Variants in HTR3C observed in about 807,000 individuals in gnomAD.
HTR3C encodes the protein 5-HT3-C.
In HTR3C, 32 loss-of-function variants were observed where a neutral mutation model predicts 40.5. That is an observed-to-expected ratio of 0.79 (90% CI 0.60 to 1.06). The LOEUF (loss-of-function observed/expected upper bound fraction) is 1.06. HTR3C is among the 50% of genes least tolerant of loss of function. The probability of loss-of-function intolerance (pLI) is 0.00; values close to 1 mark genes in which losing one functional copy is unlikely to be tolerated. For synonymous variants in HTR3C, 209 were observed against 217.1 expected, an observed-to-expected ratio of 0.96 and a Z score of 0.33; for missense variants, 523 against 556.8, an observed-to-expected ratio of 0.94 and a Z score of 0.61.
rs773329751 is a variant in HTR3C, at chr3:184,058,575, G to C, written c.708G>C (p.Gln236His). The change falls in exon 6 of 9, where the codon CAG becomes CAC. Residue 236 changes from glutamine (Q) to histidine (H), a missense_variant. Physicochemically the swap from Gln to His is conservative, Grantham distance 24. Coordinates refer to ENST00000318351, the MANE Select transcript of HTR3C (RefSeq NM_130770.3). The part of the protein sequence containing the change: ...KMSMGNNLYD[Q>H]IMFYVAIRRR... ...CCATGGGCAACAACCTATATGACCAGATCATGTTTTATGTGAGTCCAGGGG... is the reference window on the plus strand; with the variant it reads ...CCATGGGCAACAACCTATATGACCACATCATGTTTTATGTGAGTCCAGGGG... 6.2e-7 allele frequency: 1 copy of C among 1,611,730 alleles called. No homozygotes were observed.
At chr3:184,054,650 T>A in intron 1 of HTR3C, 71 bp from the exon 2 acceptor site, 1 of 1,329,334 alleles carries the variant, frequency 7.5e-7, no homozygotes, top group Non-Finnish European at 1.0e-6. Context: ...GTCCCCTATT[T>A]TATCTCTCTG....
chr3:184,055,610 A>G (rs1723306921), intron 3 of HTR3C, among the ~76,000 whole-genome samples: 1 of 151,872 alleles, frequency 6.6e-6, no homozygotes, highest in Admixed American at 6.6e-5. Flanking sequence ...GCTATTCGGG[A>G]GGCTGAGGCA....
At position 184,059,939 on chromosome 3, in the gene HTR3C, G is replaced by A. The variant is rs1339342921; in HGVS notation, c.1037G>A (p.Trp346Ter). The A allele has an allele frequency of 1.2e-6, 2 of 1,613,658 alleles. No homozygotes were observed. Among genetic ancestry groups the A allele is most frequent in the East Asian group, 2.2e-5 (1 of 44,894 alleles). ...ATTQPPPMPRWLHSLLLHCTS... is the reference protein window; with the variant it reads ...ATTQPPPMPR Reference sequence around the variant, plus strand: ...ACCCAGCCCCCACCCATGCCTAGGTGGCTTCACTCCCTGCTGCTCCACTGC... The same window carrying A: ...ACCCAGCCCCCACCCATGCCTAGGTAGCTTCACTCCCTGCTGCTCCACTGC... Residue 346 changes from tryptophan to a stop codon, truncating the protein, a stop_gained, in exon 8 of 9, where the codon TGG (tryptophan) becomes TAG (stop). Coordinates refer to ENST00000318351, the MANE Select transcript of HTR3C (RefSeq NM_130770.3). LOFTEE classifies it high-confidence loss of function.
chr3:184,055,240 G>C (rs373667456), intron 2 of HTR3C, 72 bp from the exon 3 acceptor site: 1 of 981,804 alleles, frequency 1.0e-6, no homozygotes, highest in African/African-American at 1.6e-5. Flanking sequence ...AGTAAATATT[G>C]GTGGGAATAT....
In HTR3C at chr3:184,056,163, CT is replaced by C; in HGVS notation, c.280-13del. The C allele has an allele frequency of 6.4e-7, 1 of 1,562,172 alleles. No homozygotes were observed. ...CACCGTCACTCACCTCTGTCCCTCACTGCCCTGATGCAGGTATGGGACAATC... is the reference window on the plus strand; with the variant it reads ...CACCGTCACTCACCTCTGTCCCTCACGCCCTGATGCAGGTATGGGACAATC... On this transcript the variant is annotated splice_polypyrimidine_tract_variant and intron_variant, in intron 3 of 8. Transcript: ENST00000318351.
At chr3:184,055,884 C>CAAAAAAAAAAAAAAAAAAAAAAAAA (rs71185686) in intron 3 of HTR3C, among the ~76,000 whole-genome samples, 1 of 30,710 alleles carries the variant, frequency 3.3e-5, no homozygotes, top group Non-Finnish European at 5.6e-5. Context: ...AATAGCAACT[C>CAAAAAAAAAAAAAAAAAAAAAAAAA]AAAAAAAAAA....
chr3:184,059,888 T>C lies in HTR3C; in HGVS notation c.986T>C (p.Ile329Thr). 6.2e-7 allele frequency: 1 copy of C among 1,614,016 alleles called. No homozygotes were observed. Among genetic ancestry groups the C allele is most frequent in the Admixed American group, 1.7e-5 (1 of 60,006 alleles). The change falls in exon 8 of 9, where the codon ATT becomes ACT. Residue 329 changes from isoleucine to threonine, a missense_variant. By Grantham distance (89) the Ile-to-Thr change is moderately conservative. Transcript: ENST00000318351. ...GTCAGCCTGCTGGAGACCGTCTTCATTACCTACCTGCTGCACGTGGCCACC... is the reference window on the plus strand; with the variant it reads ...GTCAGCCTGCTGGAGACCGTCTTCACTACCTACCTGCTGCACGTGGCCACC... ...MVVSLLETVF[I>T]TYLLHVATTQ...
intron 4 of HTR3C, among the ~76,000 whole-genome samples, 171 bp downstream of exon 4, chr3:184,056,457 G>A (rs950389610): frequency 6.6e-6 from 1 of 152,098 alleles, no homozygotes; most frequent in South Asian, 2.1e-4. Context: ...ATTAAAGAAA[G>A]AGCCCAGGGC....
rs527966199 is a variant in HTR3C at position 184,060,574 on chromosome 3, C to T, written c.*222C>T. The T allele has an allele frequency of 5.0e-6, 3 of 597,114 alleles. No homozygotes were observed. The highest frequency in any genetic ancestry group is 8.9e-6 in the Non-Finnish European group (3 of 337,812). The allele number at this position is 597,114 out of a possible 1,614,324, so 37.0% of individuals were successfully genotyped here. ...GCTCATTCCTGCTCACCCTCAGTCT[C>T]CCTGAGCTACCACCTAACTCCTCAC... On this transcript the variant is annotated 3_prime_UTR_variant, in exon 9 of 9. Coordinates refer to ENST00000318351, the MANE Select transcript of HTR3C (RefSeq NM_130770.3).
At chr3:184,057,766 C>A (rs1216983809) in intron 5 of HTR3C, among the ~76,000 whole-genome samples, 1 of 151,622 alleles carries the variant, frequency 6.6e-6, no homozygotes, top group Non-Finnish European at 1.5e-5. Context: ...AAACAAAAAA[C>A]AAAAACAAAA....
rs755499061 is a variant in HTR3C at position 184,060,251 on chromosome 3, T to C, written c.1243T>C (p.Trp415Arg). The change falls in exon 9 of 9, where the codon TGG (tryptophan) becomes CGG (arginine). Residue 415 changes from tryptophan to arginine, a missense_variant. Trp to Arg is a moderately radical substitution (Grantham distance 101). Coordinates refer to ENST00000318351, the MANE Select transcript of HTR3C (RefSeq NM_130770.3). ...GACAAAGACCCAGCTAATGGAGCTG[T>C]GGGTGCAGTTCAGCCACGCGATGGA... ...GWTKTQLMEL[W>R]VQFSHAMDTL... 22 of 1,613,994 alleles carry C rather than the reference T, an allele frequency of 1.4e-5. No individual in the cohort carries two copies. Among genetic ancestry groups the C allele is most frequent in the Non-Finnish European group, 1.8e-5 (21 of 1,180,010 alleles).
intron 4 of HTR3C, among the ~76,000 whole-genome samples, 173 bp downstream of exon 4, chr3:184,056,459 G>A (rs1318987146): frequency 1.3e-5 from 2 of 152,078 alleles, no homozygotes; most frequent in Non-Finnish European, 2.9e-5. Context: ...TAAAGAAAGA[G>A]CCCAGGGCCA....
At chr3:184,058,060 A>G (rs143391669) in intron 5 of HTR3C, among the ~76,000 whole-genome samples, 3 of 152,314 alleles carry the variant, frequency 2.0e-5, no homozygotes, top group African/African-American at 4.8e-5. Flanking sequence ...CAAAATGGGC[A>G]TGCCTATAAT....
rs901016309 is a variant in HTR3C, at chr3:184,059,428, C to T, written c.721-8C>T. 3 of 1,613,722 alleles carry T rather than the reference C, an allele frequency of 1.9e-6. No individual in the cohort carries two copies. The highest frequency in any genetic ancestry group is 1.7e-5 in the Admixed American group (1 of 60,018). On this transcript the variant is annotated splice_polypyrimidine_tract_variant and splice_region_variant and intron_variant, in intron 6 of 8. Transcript: ENST00000318351. ...ATTTATTTGCCATCTTCTCCGGTCT[C>T]TCTCCAGGTGGCCATCAGGCGCAGG... is the stretch of plus-strand genomic sequence containing the variant.
chr3:184,060,529 T>C lies in HTR3C; in HGVS notation c.*177T>C. ...AGGTTCGGGACAGCCCTGGACGATT[T>C]CCCGACCGCTGCTCAGGCTGCTCAT... is the stretch of plus-strand genomic sequence containing the variant. On this transcript the variant is annotated 3_prime_UTR_variant, in exon 9 of 9. Transcript: ENST00000318351. 1 of 739,460 alleles carries C rather than the reference T, an allele frequency of 1.4e-6. No individual in the cohort carries two copies. Among genetic ancestry groups the C allele is most frequent in the Non-Finnish European group, 2.2e-6 (1 of 451,208 alleles). The allele number at this position is 739,460 out of a possible 1,614,324, so 45.8% of individuals were successfully genotyped here.
At chr3:184,055,884 CAAAAAAA>C (rs71185686) in intron 3 of HTR3C, among the ~76,000 whole-genome samples, 24 of 30,710 alleles carry the variant, frequency 7.8e-4, no homozygotes, top group African/African-American at 2.3e-3. Flanking sequence ...AATAGCAACT[CAAAAAAA>C]AAAAAAAAAA....
chr3:184,054,590 T>A, intron 1 of HTR3C, 131 bp from the exon 2 acceptor site: 4 of 708,824 alleles, frequency 5.6e-6, no homozygotes, highest in Non-Finnish European at 8.6e-6. Context: ...AACCATGGCC[T>A]TGGGGAGTCT....
intron 1 of HTR3C, among the ~76,000 whole-genome samples, 183 bp from the exon 2 acceptor site, chr3:184,054,538 T>C (rs1386822668): frequency 6.6e-6 from 1 of 152,146 alleles, no homozygotes; most frequent in East Asian, 1.9e-4. Flanking sequence ...GCTCACCACA[T>C]CCACTTCCAC....
rs1254260334 is a variant in HTR3C, at chr3:184,056,247, C to T, written c.350C>T (p.Ala117Val). The T allele has an allele frequency of 1.9e-6, 3 of 1,613,892 alleles. No homozygotes were observed. Among genetic ancestry groups the T allele is most frequent in the Non-Finnish European group, 2.5e-6 (3 of 1,179,758 alleles). Residue 117 changes from alanine (A) to valine (V), a missense_variant, in exon 4 of 9, where the codon GCT becomes GTT. Ala to Val is a moderately conservative substitution (Grantham distance 64). Coordinates refer to ENST00000318351, the MANE Select transcript of HTR3C (RefSeq NM_130770.3). ...CVGINKLTVL[A>V]ENLWLPDIFI... ...GGCATCAATAAACTCACAGTATTAG[C>T]TGAAAACCTGTGGCTCCCAGACATC...
Sources: gnomAD v4.1 joint callset for allele counts (sites outside exome capture counted in the v4.1 genomes callset) on GRCh38, gnomAD v4.1.1 for gene constraint, MANE v1.5 for transcripts, NCBI Gene and HGNC (gene_info 2026-07-23, HGNC 2026-07-21) for gene names.